Variants in COL22A1 observed in about 807,000 individuals in gnomAD.
The protein encoded by COL22A1 is collagen type XXII alpha 1 chain, also known as collagen alpha-1(XXII) chain.
Under a neutral mutation model 248.9 loss-of-function variants are expected in COL22A1, and 221 were observed. The observed-to-expected ratio is 0.89, with a 90% CI of 0.80 to 0.99. The LOEUF is 0.99. Among genes scored for constraint, COL22A1 ranks in the 50% least tolerant of loss-of-function variants. The probability of loss-of-function intolerance (pLI) is 0.00; values close to 1 mark genes in which losing one functional copy is unlikely to be tolerated. For missense variants in COL22A1, 2,240 were observed against 2,179.0 expected (o/e 1.03, Z -0.56); for synonymous variants, 891 against 793.4 (o/e 1.12, Z -2.07).
chr8:138,588,944 C>A lies in COL22A1; in HGVS notation c.*309G>T, dbSNP rs1421224709. ...GCTGTCAGAAGAATGAAGAAACAAT[C>A]TCCTGCCCCACGAATCAAGTTTTCC... is the stretch of plus-strand genomic sequence containing the variant. On this transcript the variant is annotated 3_prime_UTR_variant, in exon 65 of 65. Transcript: ENST00000303045. 1.8e-5 allele frequency: 4 copies of A among 226,196 alleles called. No homozygotes were observed. The highest frequency in any genetic ancestry group is 3.4e-5 in the Non-Finnish European group (4 of 117,846). The allele number at this position is 226,196 out of a possible 1,614,324, so 14.0% of individuals were successfully genotyped here. A position where few individuals can be genotyped will look rare whatever the true frequency, so the allele number is the denominator to read the frequency against.
At chr8:138,851,582 G>C (rs1231200229) in intron 3 of COL22A1, among the ~76,000 whole-genome samples, 1 of 152,176 alleles carries the variant, frequency 6.6e-6, no homozygotes, top group East Asian at 1.9e-4. Context: ...TCCCTCCCAG[G>C]GAATGGCTCA....
rs527403577 is a variant in COL22A1, at chr8:138,813,036, G to A, written c.1246-17C>T. On this transcript the variant is annotated splice_polypyrimidine_tract_variant and intron_variant, in intron 7 of 64. Coordinates refer to ENST00000303045, the MANE Select transcript of COL22A1 (RefSeq NM_152888.3). The stretch of plus-strand genomic sequence containing the variant: ...TAGGTCAAACTGGAAAGGAAAGCAA[G>A]GAGAGAGGATAAGTTTTAGGGACTT... 1 of 1,606,710 alleles carries A rather than the reference G, an allele frequency of 6.2e-7. No homozygotes were observed. Among genetic ancestry groups the A allele is most frequent in the Admixed American group, 1.7e-5 (1 of 60,004 alleles).
intron 10 of COL22A1, among the ~76,000 whole-genome samples, chr8:138,806,210 G>T (rs532475526): frequency 8.6e-6 from 1 of 116,292 alleles, no homozygotes; most frequent in Admixed American, 9.0e-5. Flanking sequence ...GTGATGGCAT[G>T]TGTATGTGTG....
chr8:138,904,208 T>C (rs1284862512), intron 1 of COL22A1, among the ~76,000 whole-genome samples: 1 of 152,134 alleles, frequency 6.6e-6, no homozygotes, highest in Non-Finnish European at 1.5e-5. Flanking sequence ...CTTTCTGGGC[T>C]CTATATCTTG....
intron 49 of COL22A1, among the ~76,000 whole-genome samples, chr8:138,634,224 C>T (rs989730029): frequency 3.9e-5 from 6 of 152,058 alleles, no homozygotes; most frequent in African/African-American, 1.4e-4. Flanking sequence ...ATTTATACTC[C>T]TAACTGAACT....
intron 4 of COL22A1, among the ~76,000 whole-genome samples, chr8:138,842,716 T>C (rs1363072664): frequency 1.3e-5 from 2 of 152,196 alleles, no homozygotes; most frequent in Admixed American, 6.5e-5. Context: ...AGCTCAGATA[T>C]AAATACACTT....
At chr8:138,788,559 G>T (rs1815747206) in intron 12 of COL22A1, among the ~76,000 whole-genome samples, 2 of 152,154 alleles carry the variant, frequency 1.3e-5, no homozygotes, top group Admixed American at 6.5e-5. Context: ...GAAAGGGAAG[G>T]TTCTTTATGT....
At chr8:138,665,359 C>T (rs912127373) in intron 41 of COL22A1, among the ~76,000 whole-genome samples, 2 of 152,180 alleles carry the variant, frequency 1.3e-5, no homozygotes, top group African/African-American at 4.8e-5. Flanking sequence ...CAGGGGTCCA[C>T]AGGCTTTTTC....
intron 49 of COL22A1, among the ~76,000 whole-genome samples, chr8:138,633,265 G>C (rs1820876807): frequency 6.6e-6 from 1 of 152,218 alleles, no homozygotes; most frequent in Non-Finnish European, 1.5e-5. Context: ...CAAAATAGAA[G>C]CTCAATAAAC....
intron 56 of COL22A1, among the ~76,000 whole-genome samples, chr8:138,612,533 G>A (rs1010669356): frequency 4.6e-5 from 7 of 152,092 alleles, no homozygotes; most frequent in Admixed American, 2.6e-4. Flanking sequence ...GAATGTGACC[G>A]AATTGGGAAA....
intron 35 of COL22A1, among the ~76,000 whole-genome samples, chr8:138,691,963 TGC>T (rs1564200676): frequency 8.0e-5 from 10 of 124,854 alleles, no homozygotes; most frequent in African/African-American, 2.9e-4. Context: ...TTTGTGGAGG[TGC>T]ATGTGTGGAG....
At chr8:138,847,778 C>A (rs1821351794) in intron 3 of COL22A1, among the ~76,000 whole-genome samples, 1 of 151,080 alleles carries the variant, frequency 6.6e-6, no homozygotes, top group South Asian at 2.1e-4. Flanking sequence ...CAATTCCAAT[C>A]CTAGGTGGGA....
intron 30 of COL22A1, among the ~76,000 whole-genome samples, chr8:138,715,403 T>C (rs1370902288): frequency 6.6e-6 from 1 of 151,678 alleles, no homozygotes; most frequent in African/African-American, 2.4e-5. Context: ...ATCTCGTCTC[T>C]ACTAAAAACA....
chr8:138,638,547 A>G (rs1821392971), intron 47 of COL22A1, among the ~76,000 whole-genome samples: 1 of 152,148 alleles, frequency 6.6e-6, no homozygotes, highest in African/African-American at 2.4e-5. Flanking sequence ...TGACTATCTA[A>G]TAATCCCCCC....
At chr8:138,705,280 AAC>A (rs1272447420) in intron 30 of COL22A1, among the ~76,000 whole-genome samples, 1 of 152,172 alleles carries the variant, frequency 6.6e-6, no homozygotes, top group Admixed American at 6.5e-5. Flanking sequence ...AAATACAGAG[AAC>A]ACCACAAAGA....
intron 3 of COL22A1, among the ~76,000 whole-genome samples, chr8:138,849,038 C>T (rs889790389): frequency 3.3e-5 from 5 of 152,136 alleles, no homozygotes; most frequent in Admixed American, 3.3e-4. Context: ...AAGCAGAAGC[C>T]CAGCAGACAC....
chr8:138,802,736 G>A (rs773623265), intron 11 of COL22A1, 136 bp downstream of exon 11: 102 of 718,992 alleles, frequency 1.4e-4, no homozygotes, highest in Non-Finnish European at 2.1e-4. Context: ...GCTTCATCTT[G>A]AGGGTGGTGT....
chr8:138,826,593 C>A lies in COL22A1; in HGVS notation c.969+65G>T. ...CCTGGAGAAAACATGGTGGGTGGTG[C>A]CATCCACTGTGAGAGGGGAACAGAA... On this transcript the variant is annotated intron_variant, in intron 6 of 64. Transcript: ENST00000303045. 3 of 1,550,656 alleles carry A rather than the reference C, an allele frequency of 1.9e-6. No individual in the cohort carries two copies. The South Asian group carries it at 3.4e-5, about 17-fold the overall frequency.
chr8:138,690,909 C>A, intron 35 of COL22A1, 35 bp from the exon 36 acceptor site: 1 of 1,577,528 alleles, frequency 6.3e-7, no homozygotes, highest in South Asian at 1.2e-5. Flanking sequence ...AGGCCAAACG[C>A]ATTGATTAGA....
Sources: gnomAD v4.1 joint callset for allele counts (sites outside exome capture counted in the v4.1 genomes callset) on GRCh38, gnomAD v4.1.1 for gene constraint, MANE v1.5 for transcripts, NCBI Gene and HGNC (gene_info 2026-07-23, HGNC 2026-07-21) for gene names.